The following CLSTN3 variants were observed in gnomAD, a reference collection of about 807,000 sequenced individuals.
CLSTN3 encodes calsyntenin-3.
A neutral mutation model predicts 95.9 loss-of-function variants in CLSTN3; 36 were observed. That is an observed-to-expected ratio of 0.38 (90% CI 0.29 to 0.50). The LOEUF is 0.50. CLSTN3 is among the 20% of genes least tolerant of loss of function. CLSTN3 has a pLI of 0.95. For missense variants in CLSTN3, 1,084 were observed against 1,268.8 expected (o/e 0.85, Z 2.21); for synonymous variants, 481 against 504.0 (o/e 0.95, Z 0.61).
At chr12:7,140,476 C>G (rs1035685896) in intron 8 of CLSTN3, among the ~76,000 whole-genome samples, 1 of 152,104 alleles carries the variant, frequency 6.6e-6, no homozygotes, top group African/African-American at 2.4e-5. Context: ...AGAAGAGGGC[C>G]TAGGTCTGAG....
chr12:7,151,292 T>C, intron 16 of CLSTN3: 2 of 474,992 alleles, frequency 4.2e-6, no homozygotes, highest in Non-Finnish European at 7.2e-6. Context: ...GTAGGGATGC[T>C]TATGCCTGCA....
Position 7,137,289 on chromosome 12 carries a change from G to T in CLSTN3, c.1210+179G>T, listed in dbSNP as rs984704435. 6 of 635,634 alleles carry T rather than the reference G, an allele frequency of 9.4e-6. No homozygotes were observed. The highest frequency in any genetic ancestry group is 1.8e-5 in the African/African-American group (1 of 54,542). The allele number at this position is 635,634 out of a possible 1,614,324, so 39.4% of individuals were successfully genotyped here. ...TATCCCCAACATGACATGTTGGATC[G>T]TACTGCTGTCAGAGTGCAATGGGAT... On this transcript the variant is annotated intron_variant, in intron 7 of 17. Transcript: ENST00000266546. This position sits in a 1 kb window ranked among gnomAD's most constrained non-coding sequence, Gnocchi z 4.4.
rs148348543 is a variant in CLSTN3 at position 7,137,089 on chromosome 12, G to A, written c.1189G>A (p.Val397Ile). Residue 397 changes from valine to isoleucine, a missense_variant, in exon 7 of 18, where the codon GTA becomes ATA. Transcript: ENST00000266546. This position sits in a 1 kb window ranked among gnomAD's most constrained non-coding sequence, Gnocchi z 4.4. Reference sequence around the variant, plus strand: ...GGGCAAGAAGGAAGAGGAAACCATCGTATGTAACACTGTCCAGAATGGTGA... The same window carrying A: ...GGGCAAGAAGGAAGAGGAAACCATCATATGTAACACTGTCCAGAATGGTGA... ...NKGKKEEETI[V>I]CNTVQNEDGF... 8.6e-5 allele frequency: 138 copies of A among 1,613,094 alleles called. No individual in the cohort carries two copies. Among genetic ancestry groups the A allele is most frequent in the African/African-American group, 5.5e-4 (41 of 75,016 alleles).
At chr12:7,153,938 G>C (rs915914247) in intron 16 of CLSTN3, among the ~76,000 whole-genome samples, 14 of 152,112 alleles carry the variant, frequency 9.2e-5, no homozygotes, top group Admixed American at 8.5e-4. Flanking sequence ...GTCTGTTCAC[G>C]GCACCCTTTC....
Position 7,132,997 on chromosome 12 carries a change from C to T in CLSTN3, c.65-27C>T, listed in dbSNP as rs779392983. The T allele has an allele frequency of 3.7e-6, 6 of 1,612,270 alleles. No individual in the cohort carries two copies. The Admixed American group carries it at 5.0e-5, about 13-fold the overall frequency. ...GTAGAGGCCCTGCTCACAGGTGCTT[C>T]CTCTCCTCTCCCTGGGGTGGGGCCA... On this transcript the variant is annotated intron_variant, in intron 1 of 17. Transcript: ENST00000266546.
In CLSTN3 at chr12:7,151,023, G is replaced by A; in HGVS notation, c.2487G>A (p.Glu829=). 6.2e-7 allele frequency: 1 copy of A among 1,612,226 alleles called. No individual in the cohort carries two copies. The highest frequency in any genetic ancestry group is 8.5e-7 in the Non-Finnish European group (1 of 1,178,990). Residue 829 remains glutamate (E), a synonymous_variant, in exon 16 of 18, where the codon GAG becomes GAA. Transcript: ENST00000266546. The stretch of plus-strand genomic sequence containing the variant: ...ACCGTGGTCACCAGCCCCCGCCTGA[G>A]ATGGCTGGACACAGCCTAGCCAGCT... ...FLHRGHQPPP[E]MAGHSLASSH... is the part of the protein sequence containing the mutation.
chr12:7,146,415 A>G (rs967411724), intron 12 of CLSTN3, among the ~76,000 whole-genome samples: 1 of 151,620 alleles, frequency 6.6e-6, no homozygotes, highest in Non-Finnish European at 1.5e-5. Flanking sequence ...AATTAGAGAG[A>G]GAGAAAAAAA....
intron 16 of CLSTN3, among the ~76,000 whole-genome samples, chr12:7,153,683 T>A (rs931043746): frequency 1.3e-5 from 2 of 152,212 alleles, no homozygotes; most frequent in Non-Finnish European, 2.9e-5. Context: ...GTTCTTTCAT[T>A]GGGGATCATT....
intron 16 of CLSTN3, among the ~76,000 whole-genome samples, chr12:7,154,730 T>C (rs1429609619): frequency 6.6e-6 from 1 of 152,142 alleles, no homozygotes; most frequent in African/African-American, 2.4e-5. Context: ...TGGGAATAAT[T>C]TTCCTCTTTT....
At position 7,157,988 on chromosome 12, in the gene CLSTN3, G is replaced by C. The variant is rs1220021710; in HGVS notation, c.2778G>C (p.Gln926His). The C allele has an allele frequency of 1.9e-6, 3 of 1,551,250 alleles. No individual in the cohort carries two copies. In the African/African-American group the frequency reaches 4.1e-5, roughly 21 times the overall value. Reference protein sequence around the residue: ...QSCVTGAVGGQQEDEDSSDSE... With the variant: ...QSCVTGAVGGHQEDEDSSDSE... ...GTGTGACGGGGGCTGTTGGGGGCCA[G>C]CAGGAGGATGAGGACAGCAGTGACT... The change falls in exon 18 of 18, where the codon CAG becomes CAC. Residue 926 changes from glutamine to histidine, a missense_variant. Physicochemically the swap from Gln to His is conservative, Grantham distance 24. Transcript: ENST00000266546. The surrounding 1 kb of genome is among the most constrained non-coding windows in gnomAD (Gnocchi z 5.9).
chr12:7,155,216 C>T (rs930781025), intron 16 of CLSTN3, among the ~76,000 whole-genome samples: 8 of 152,158 alleles, frequency 5.3e-5, no homozygotes, highest in African/African-American at 9.7e-5. Flanking sequence ...AAAAGCTGAA[C>T]GCACTTCTTA....
rs1306827086 is a variant in CLSTN3 at position 7,157,315 on chromosome 12, C to T, written c.2528-174C>T. 6.6e-6 allele frequency among the ~76,000 whole-genome samples: 1 copy of T among 152,160 alleles called. No homozygotes were observed. The highest frequency in any genetic ancestry group is 2.4e-5 in the African/African-American group (1 of 41,428). On this transcript the variant is annotated intron_variant, in intron 16 of 17. Transcript: ENST00000266546. This position sits in a 1 kb window ranked among gnomAD's most constrained non-coding sequence, Gnocchi z 5.9. ...CCTCCCCTTTCGTCTCCTGCCCTTCCTGGTGGGCTGTTTCTCTTCTGGCTT... is the reference window on the plus strand; with the variant it reads ...CCTCCCCTTTCGTCTCCTGCCCTTCTTGGTGGGCTGTTTCTCTTCTGGCTT...
At position 7,157,508 on chromosome 12, in the gene CLSTN3, C is replaced by T. The variant is rs777510917; in HGVS notation, c.2547C>T (p.Thr849=). The change falls in exon 17 of 18, where the codon ACC becomes ACT. Residue 849 remains threonine, a synonymous_variant. Coordinates refer to ENST00000266546, the MANE Select transcript of CLSTN3 (RefSeq NM_014718.4). The surrounding 1 kb of genome is among the most constrained non-coding windows in gnomAD (Gnocchi z 5.9). Reference sequence around the variant, plus strand: ...CTGCAGTGATACCCAGCGCCGCAACCCTCATCATTGTGGTGTGCGTGGGCT... The same window carrying T: ...CTGCAGTGATACCCAGCGCCGCAACTCTCATCATTGTGGTGTGCGTGGGCT... ...HRNSMIPSAA[T]LIIVVCVGFL... 1.9e-6 allele frequency: 3 copies of T among 1,594,110 alleles called. No individual in the cohort carries two copies. The highest frequency in any genetic ancestry group is 1.7e-6 in the Non-Finnish European group (2 of 1,169,064).
At chr12:7,147,396 C>CAAAAAAAAAAAA (rs56109046) in intron 12 of CLSTN3, among the ~76,000 whole-genome samples, 5 of 50,562 alleles carry the variant, frequency 9.9e-5, no homozygotes, top group African/African-American at 4.5e-4. Flanking sequence ...GAGACTCTGC[C>CAAAAAAAAAAAA]AAAAAAAAAA....
At position 7,130,732 on chromosome 12, in the gene CLSTN3, G is replaced by A; in HGVS notation, c.64+20G>A. 6.4e-7 allele frequency: 1 copy of A among 1,554,414 alleles called. No individual in the cohort carries two copies. On this transcript the variant is annotated intron_variant, in intron 1 of 17. Coordinates refer to ENST00000266546, the MANE Select transcript of CLSTN3 (RefSeq NM_014718.4). ...ACAAAGGTGAGTGAGGTGGGGGTGGGGGTACCGAAAGAGGGGCGTCGGGCA... is the reference window on the plus strand; with the variant it reads ...ACAAAGGTGAGTGAGGTGGGGGTGGAGGTACCGAAAGAGGGGCGTCGGGCA...
At chr12:7,130,871 T>C (rs1366678908) in intron 1 of CLSTN3, 159 bp downstream of exon 1, 1 of 674,766 alleles carries the variant, frequency 1.5e-6, no homozygotes, top group East Asian at 2.7e-5. Flanking sequence ...CTGCTCCGTC[T>C]CCTCTCTTTC....
In CLSTN3 at chr12:7,141,941, G is replaced by A; in HGVS notation, c.1487-145G>A. On this transcript the variant is annotated intron_variant, in intron 9 of 17. Coordinates refer to ENST00000266546, the MANE Select transcript of CLSTN3 (RefSeq NM_014718.4). This position sits in a 1 kb window ranked among gnomAD's most constrained non-coding sequence, Gnocchi z 4.1. ...AGGGTTGGGGCTGAGCTGAGAGGTT[G>A]CAAGTTATACATGGGCAGGGTCAGA... The A allele has an allele frequency of 1.6e-6, 1 of 635,732 alleles. No homozygotes were observed. 39.4% of individuals were successfully genotyped at this position (635,732 alleles called of 1,614,324 possible). A position where few individuals can be genotyped will look rare whatever the true frequency, so the allele number is the denominator to read the frequency against.
chr12:7,157,628 C>A lies in CLSTN3; in HGVS notation c.2667C>A (p.Asp889Glu), dbSNP rs763346274. The A allele has an allele frequency of 1.2e-6, 2 of 1,610,032 alleles. No individual in the cohort carries two copies. Among genetic ancestry groups the A allele is most frequent in the Non-Finnish European group, 1.7e-6 (2 of 1,178,268 alleles). Residue 889 changes from aspartate (D) to glutamate (E), a missense_variant, in exon 17 of 18, where the codon GAC (aspartate) becomes GAA (glutamate). Transcript: ENST00000266546. This position sits in a 1 kb window ranked among gnomAD's most constrained non-coding sequence, Gnocchi z 5.9. Reference sequence around the variant, plus strand: ...GCGGGCCTCCAGGGGCCTCCAGTGACCCCAAGGACCCAGACCTCTTCTGGG... The same window carrying A: ...GCGGGCCTCCAGGGGCCTCCAGTGAACCCAAGGACCCAGACCTCTTCTGGG... ...GAGGPPGASS[D>E]PKDPDLFWDD...
chr12:7,150,709 C>T lies in CLSTN3; in HGVS notation c.2391+20C>T, dbSNP rs1939709297. The T allele has an allele frequency of 6.2e-7, 1 of 1,607,004 alleles. No individual in the cohort carries two copies. The highest frequency in any genetic ancestry group is 2.2e-5 in the East Asian group (1 of 44,646). On this transcript the variant is annotated intron_variant, in intron 15 of 17. Transcript: ENST00000266546. The surrounding 1 kb of genome is among the most constrained non-coding windows in gnomAD (Gnocchi z 4.0). ...GTGGAGGTACCCAGAGAGTCTCCTT[C>T]CTTCCACAGTTACCCACCCCCAGAA...
Sources: gnomAD v4.1 joint callset for allele counts (sites outside exome capture counted in the v4.1 genomes callset) on GRCh38, gnomAD v4.1.1 for gene constraint, Gnocchi (gnomAD v3.1) non-coding constraint, MANE v1.5 for transcripts, NCBI Gene and HGNC (gene_info 2026-07-23, HGNC 2026-07-21) for gene names.